Variants in TMTC1 observed in about 807,000 individuals in gnomAD.
TMTC1 encodes the protein transmembrane O-mannosyltransferase targeting cadherins 1.
Under a neutral mutation model 104.8 loss-of-function variants are expected in TMTC1, and 73 were observed. The ratio of observed to expected loss-of-function variants is 0.70; its 90% CI spans 0.58 to 0.85. The LOEUF is 0.85. Ranked by LOEUF, TMTC1 falls within the 40% of genes least tolerant of loss-of-function variation. The pLI, the probability that TMTC1 is intolerant of heterozygous loss-of-function variation, is 0.00. For missense variants in TMTC1, 1,035 were observed against 1,096.1 expected, an observed-to-expected ratio of 0.94 and a Z score of 0.79; for synonymous variants, 434 against 428.7, an observed-to-expected ratio of 1.01 and a Z score of -0.15.
At chr12:29,665,218 AG>A (rs1940228649) in intron 5 of TMTC1, among the ~76,000 whole-genome samples, 1 of 152,216 alleles carries the variant, frequency 6.6e-6, no homozygotes, top group Admixed American at 6.5e-5. Context: ...CTTCACCTGG[AG>A]GAGGCCCTTC....
intron 6 of TMTC1, among the ~76,000 whole-genome samples, chr12:29,625,584 A>C (rs2136477226): frequency 6.6e-6 from 1 of 152,334 alleles, no homozygotes. Flanking sequence ...CCACAGCTGG[A>C]ATGTTCTGCT....
chr12:29,709,768 T>C lies in TMTC1; in HGVS notation c.938+41898A>G, dbSNP rs916830430. On this transcript the variant is annotated intron_variant, in intron 5 of 17. Coordinates refer to ENST00000539277, the MANE Select transcript of TMTC1 (RefSeq NM_001193451.2). ...CTTTCCAAAATGTGTTTAAAATTTG[T>C]TTAATGCCTTTATATTTACAGGTGT... is the stretch of plus-strand genomic sequence containing the variant. Among the ~76,000 whole-genome samples, 3 of 152,210 alleles carry C rather than the reference T, an allele frequency of 2.0e-5. No homozygotes were observed. In the East Asian group the frequency reaches 5.8e-4, roughly 29 times the overall value.
At chr12:29,519,925 A>G (rs1944100948) in intron 12 of TMTC1, 1 of 152,248 alleles carries the variant, frequency 6.6e-6, no homozygotes, top group South Asian at 2.1e-4. Context: ...CATATTGAAA[A>G]ACTAATTAAA....
Position 29,691,032 on chromosome 12 carries a change from T to C in TMTC1, c.939-57696A>G, listed in dbSNP as rs547123732. Among the ~76,000 whole-genome samples the C allele has an allele frequency of 1.1e-4, 16 of 152,342 alleles. 1 individual carries two copies. The highest frequency in any genetic ancestry group is 7.8e-4 in the Admixed American group (12 of 15,300). ...TTTGACTCTGAAACAAAATTGAGAATAGCCCTTTCCCAAAAAGATCCCCTT... is the reference window on the plus strand; with the variant it reads ...TTTGACTCTGAAACAAAATTGAGAACAGCCCTTTCCCAAAAAGATCCCCTT... On this transcript the variant is annotated intron_variant, in intron 5 of 17. Coordinates refer to ENST00000539277, the MANE Select transcript of TMTC1 (RefSeq NM_001193451.2).
At chr12:29,530,077 C>T (rs1944458641) in intron 11 of TMTC1, 1 of 152,134 alleles carries the variant, frequency 6.6e-6, no homozygotes, top group South Asian at 2.1e-4. Flanking sequence ...TTTCTCATGC[C>T]ATTTTGCCTT....
intron 7 of TMTC1, among the ~76,000 whole-genome samples, chr12:29,599,849 G>T: frequency 6.6e-6 from 1 of 151,202 alleles, no homozygotes. Flanking sequence ...TAAAAGTGAT[G>T]ATCTATATTT....
intron 5 of TMTC1, among the ~76,000 whole-genome samples, chr12:29,651,383 A>G (rs963772582): frequency 6.6e-6 from 1 of 152,216 alleles, no homozygotes; most frequent in Non-Finnish European, 1.5e-5. Context: ...TATTGATGGA[A>G]TAAGATTAAG....
At chr12:29,539,309 TA>T (rs1434506139) in intron 10 of TMTC1, among the ~76,000 whole-genome samples, 1 of 150,876 alleles carries the variant, frequency 6.6e-6, no homozygotes, top group Non-Finnish European at 1.5e-5. Flanking sequence ...TATCCCATAT[TA>T]AAAATCAGTC....
rs533743783 is a variant in TMTC1, at chr12:29,605,162, C to A, written c.1129-863G>T. On this transcript the variant is annotated intron_variant, in intron 6 of 17. Coordinates refer to ENST00000539277, the MANE Select transcript of TMTC1 (RefSeq NM_001193451.2). ...GTATTTTTTAAGTTTAAGAAAAAAA[C>A]CAAATAGACTGTCCATATTTCAACT... Among the ~76,000 whole-genome samples, 13 of 151,720 alleles carry A rather than the reference C, an allele frequency of 8.6e-5. No homozygotes were observed. The South Asian group carries it at 2.1e-3, about 24-fold the overall frequency.
At chr12:29,751,458 T>C (rs575740936) in intron 5 of TMTC1, among the ~76,000 whole-genome samples, 16 of 152,174 alleles carry the variant, frequency 1.1e-4, no homozygotes, top group Non-Finnish European at 2.2e-4. Flanking sequence ...TCCACTTGCT[T>C]CCTCTAACTA....
intron 10 of TMTC1, among the ~76,000 whole-genome samples, chr12:29,542,981 T>G (rs1385407931): frequency 6.6e-6 from 1 of 152,120 alleles, no homozygotes; most frequent in Admixed American, 6.5e-5. Context: ...TCCTAATATT[T>G]TGCAGCAAAA....
intron 15 of TMTC1, among the ~76,000 whole-genome samples, chr12:29,515,160 A>G (rs1488598641): frequency 1.3e-5 from 2 of 152,078 alleles, no homozygotes; most frequent in Admixed American, 6.6e-5. Flanking sequence ...AGGTGGTGTG[A>G]TACAGTTGAA....
intron 10 of TMTC1, among the ~76,000 whole-genome samples, chr12:29,543,482 T>C (rs997902988): frequency 6.6e-6 from 1 of 152,196 alleles, no homozygotes; most frequent in Admixed American, 6.5e-5. Context: ...GCGACCCTCT[T>C]GGTGGCAGTA....
At chr12:29,667,538 G>C (rs766010466) in intron 5 of TMTC1, among the ~76,000 whole-genome samples, 2 of 152,142 alleles carry the variant, frequency 1.3e-5, no homozygotes, top group Admixed American at 6.5e-5. Flanking sequence ...GCAAATTAAA[G>C]TTAGAGGTGA....
At chr12:29,668,344 G>A (rs7965351) in intron 5 of TMTC1, among the ~76,000 whole-genome samples, 84,260 of 151,760 alleles carry the variant, frequency 0.56, 23,581 homozygotes, top group African/African-American at 0.63. Flanking sequence ...TTACAAGGGC[G>A]TTGACTAATG....
intron 5 of TMTC1, among the ~76,000 whole-genome samples, chr12:29,706,322 C>T (rs1197102710): frequency 6.6e-6 from 1 of 152,140 alleles, no homozygotes. Flanking sequence ...TTTGCACAGC[C>T]AAGAACATTA....
At chr12:29,519,316 A>T (rs1360836722) in intron 12 of TMTC1, 1 of 152,174 alleles carries the variant, frequency 6.6e-6, no homozygotes, top group East Asian at 1.9e-4. Flanking sequence ...AAAAAACCAC[A>T]CACAAAAATT....
intron 5 of TMTC1, among the ~76,000 whole-genome samples, chr12:29,703,143 CAA>C (rs201319751): frequency 2.1e-4 from 16 of 75,654 alleles, no homozygotes; most frequent in Admixed American, 3.9e-4. Flanking sequence ...GACTCAGTCT[CAA>C]AAAAAAAAAA....
chr12:29,539,997 A>G (rs973289234), intron 10 of TMTC1, among the ~76,000 whole-genome samples: 5 of 152,088 alleles, frequency 3.3e-5, no homozygotes, highest in Non-Finnish European at 7.4e-5. Flanking sequence ...AGCTCCTAAA[A>G]ACACTTAAGA....
Sources: allele counts gnomAD v4.1 joint callset (sites outside exome capture counted in the v4.1 genomes callset), GRCh38; gene constraint gnomAD v4.1.1; transcripts MANE v1.5; gene names NCBI Gene and HGNC (gene_info 2026-07-23, HGNC 2026-07-21).